Variants in TBC1D30 observed in about 807,000 individuals in gnomAD.
The protein encoded by TBC1D30 is TBC1 domain family member 30.
In TBC1D30, 31 loss-of-function variants were observed where a neutral mutation model predicts 63.2. The ratio of observed to expected loss-of-function variants is 0.49; its 90% CI spans 0.37 to 0.66. The LOEUF (loss-of-function observed/expected upper bound fraction) is 0.66. Among genes scored for constraint, TBC1D30 ranks in the 30% least tolerant of loss-of-function variants. The probability of loss-of-function intolerance (pLI) is 0.00; values close to 1 mark genes in which losing one functional copy is unlikely to be tolerated. For synonymous variants in TBC1D30, 307 were observed against 361.5 expected (o/e 0.85, Z 1.71); for missense variants, 810 against 953.6 (o/e 0.85, Z 1.98).
At chr12:64,814,747 A>G (rs2136334824) in intron 2 of TBC1D30, among the ~76,000 whole-genome samples, 1 of 152,322 alleles carries the variant, frequency 6.6e-6, no homozygotes, top group East Asian at 1.9e-4. Context: ...TACTGTTTCT[A>G]AAAGAGAAGG....
At position 64,767,791 on chromosome 12, in the gene TBC1D30, G is replaced by C. The variant is rs866953789; in HGVS notation, c.-376+8142G>C. ...TGATAAGATACACATGCTCCGGCGG[G>C]GGGGGGGGGAGGGGGGGGAGATAGG... On this transcript the variant is annotated intron_variant, in intron 1 of 13. Coordinates refer to the TBC1D30 transcript ENST00000674237. Among the ~76,000 whole-genome samples, 12 of 81,436 alleles carry C rather than the reference G, an allele frequency of 1.5e-4. 1 individual carries two copies. Among genetic ancestry groups the C allele is most frequent in the South Asian group, 6.1e-4 (1 of 1,628 alleles). 53.4% of individuals were successfully genotyped at this position (81,436 alleles called of 152,430 possible). A position where few individuals can be genotyped will look rare whatever the true frequency, so the allele number is the denominator to read the frequency against.
At chr12:64,777,974 C>G (rs1256738632), upstream of TBC1D30, among the ~76,000 whole-genome samples, 1 of 152,152 alleles carries the variant, frequency 6.6e-6, no homozygotes, top group African/African-American at 2.4e-5. Flanking sequence ...GTTGGCCAGG[C>G]TGTTCTCAAA....
intron 1 of TBC1D30, among the ~76,000 whole-genome samples, chr12:64,759,967 T>A (rs184592803): frequency 3.0e-3 from 452 of 152,322 alleles, no homozygotes; most frequent in African/African-American, 0.01. Flanking sequence ...GCTCAGACAT[T>A]AAATTCGGAA....
chr12:64,768,457 T>G (rs1870795272), intron 1 of TBC1D30: 1 of 152,258 alleles, frequency 6.6e-6, no homozygotes, highest in Admixed American at 6.5e-5. Context: ...TGCCTCAGCC[T>G]CCTGAGTAGC....
intron 2 of TBC1D30, among the ~76,000 whole-genome samples, chr12:64,813,639 A>G (rs1047161380): frequency 3.3e-5 from 5 of 152,228 alleles, no homozygotes; most frequent in South Asian, 2.1e-4. Flanking sequence ...ACATTTGAGC[A>G]TCACATGTTT....
At chr12:64,763,817 C>T (rs1870609872) in intron 1 of TBC1D30, among the ~76,000 whole-genome samples, 1 of 152,046 alleles carries the variant, frequency 6.6e-6, no homozygotes, top group Admixed American at 6.6e-5. Flanking sequence ...CCATATTGGT[C>T]TGGTCTCGAA....
At chr12:64,860,685 G>T (rs1877715016) in intron 8 of TBC1D30, among the ~76,000 whole-genome samples, 2 of 152,110 alleles carry the variant, frequency 1.3e-5, no homozygotes, top group Non-Finnish European at 2.9e-5. Context: ...GATACAGGTG[G>T]TTTTCAGAAA....
At chr12:64,812,392 T>C (rs1873268384) in intron 2 of TBC1D30, among the ~76,000 whole-genome samples, 1 of 152,214 alleles carries the variant, frequency 6.6e-6, no homozygotes, top group East Asian at 1.9e-4. Context: ...CCTCCTCCTA[T>C]ATTTGCGCAT....
intron 1 of TBC1D30, among the ~76,000 whole-genome samples, chr12:64,770,870 A>ATTT (rs59632344): frequency 7.2e-6 from 1 of 138,196 alleles, no homozygotes. Context: ...CACCCAGCTA[A>ATTT]TTTTTTTTTT....
chr12:64,773,244 G>A (rs139067541), intron 1 of TBC1D30, among the ~76,000 whole-genome samples: 13 of 151,408 alleles, frequency 8.6e-5, no homozygotes, highest in African/African-American at 1.5e-4. Context: ...TAAGTGAGTC[G>A]CTGATCTGTT....
In TBC1D30 at chr12:64,881,001, A is replaced by T. The variant is rs977781653; in HGVS notation, c.*5213A>T. The T allele has an allele frequency of 1.3e-5, 2 of 152,142 alleles. No homozygotes were observed. The highest frequency in any genetic ancestry group is 4.8e-5 in the African/African-American group (2 of 41,424). The allele number at this position is 152,142 out of a possible 1,614,324, so 9.4% of individuals were successfully genotyped here. On this transcript the variant is annotated 3_prime_UTR_variant, in exon 12 of 12. Transcript: ENST00000539867. ...CTGGAGAGTCCAGGAATCTATATTA[A>T]AACATGAAACAAAGCAAAAAATAAA...
chr12:64,790,663 C>G (rs1253709901), intron 2 of TBC1D30, among the ~76,000 whole-genome samples: 1 of 152,190 alleles, frequency 6.6e-6, no homozygotes, highest in Non-Finnish European at 1.5e-5. Flanking sequence ...TGTGTCCACT[C>G]TCACATCCTG....
intron 1 of TBC1D30, among the ~76,000 whole-genome samples, chr12:64,783,309 GCTGTGTGAC>G (rs1871384857): frequency 6.6e-6 from 1 of 152,150 alleles, no homozygotes. Context: ...TTCCTTACCA[GCTGTGTGAC>G]CTTGGACAAG....
chr12:64,768,309 G>A (rs945664436), intron 1 of TBC1D30: 18 of 151,942 alleles, frequency 1.2e-4, no homozygotes, highest in African/African-American at 4.1e-4. Flanking sequence ...TTGATTACAA[G>A]TTTCTTCCGA....
intron 8 of TBC1D30, among the ~76,000 whole-genome samples, chr12:64,855,156 C>T (rs1877194271): frequency 6.6e-6 from 1 of 152,082 alleles, no homozygotes; most frequent in Admixed American, 6.5e-5. Flanking sequence ...GCCACTCTCT[C>T]CTGGCCTGTA....
chr12:64,863,394 T>G (rs746739960), intron 8 of TBC1D30, among the ~76,000 whole-genome samples: 2 of 152,190 alleles, frequency 1.3e-5, no homozygotes, highest in Non-Finnish European at 2.9e-5. Context: ...GCCTTCTGCT[T>G]CTTTTCTTGG....
chr12:64,767,797 G>C (rs1474864647), intron 1 of TBC1D30, among the ~76,000 whole-genome samples: 11 of 104,760 alleles, frequency 1.1e-4, no homozygotes, highest in Non-Finnish European at 2.0e-4. Flanking sequence ...GCGGGGGGGG[G>C]GGGAGGGGGG....
intron 1 of TBC1D30, among the ~76,000 whole-genome samples, chr12:64,767,302 A>G (rs754702746): frequency 1.3e-5 from 2 of 151,866 alleles, no homozygotes; most frequent in Non-Finnish European, 2.9e-5. Context: ...GGTCCCTATC[A>G]GAGATATCCC....
chr12:64,869,349 C>T (rs1029090912), intron 10 of TBC1D30, among the ~76,000 whole-genome samples: 2 of 152,136 alleles, frequency 1.3e-5, no homozygotes, highest in Non-Finnish European at 2.9e-5. Context: ...TGGAGTATTT[C>T]CTGCAAGCCT....
Sources: gnomAD v4.1 joint callset for allele counts (sites outside exome capture counted in the v4.1 genomes callset) on GRCh38, gnomAD v4.1.1 for gene constraint, MANE v1.5 for transcripts, NCBI Gene and HGNC (gene_info 2026-07-23, HGNC 2026-07-21) for gene names.